The following ZNF680 variants were observed in gnomAD, a reference collection of about 807,000 sequenced individuals.
The protein encoded by ZNF680 is zinc finger protein 680.
In ZNF680, 6 loss-of-function variants were observed where a neutral mutation model predicts 12.1. The ratio of observed to expected loss-of-function variants is 0.49; its 90% CI spans 0.27 to 0.98. The LOEUF (loss-of-function observed/expected upper bound fraction) is 0.98, where lower values mean the gene tolerates loss of function less well. ZNF680 is among the 50% of genes least tolerant of loss of function. ZNF680 has a pLI of 0.12. For missense variants in ZNF680, 561 were observed against 616.3 expected, an observed-to-expected ratio of 0.91 and a Z score of 0.95; for synonymous variants, 170 against 199.3, an observed-to-expected ratio of 0.85 and a Z score of 1.24.
At chr7:64,511,352 G>C in the ZNF680 span, among the ~76,000 whole-genome samples, 4 of 152,010 alleles carry the variant, frequency 2.6e-5, no homozygotes, top group African/African-American at 7.3e-5. Flanking sequence ...ACTGAGGGCT[G>C]ATGCCCTCAG....
chr7:64,510,859 G>A, the ZNF680 span, among the ~76,000 whole-genome samples: 5 of 133,508 alleles, frequency 3.7e-5, no homozygotes, highest in Non-Finnish European at 6.4e-5. Flanking sequence ...GCAGTGAGCC[G>A]AGATCCCGCC....
chr7:64,553,952 C>A (rs1173595139), intron 1 of ZNF680, among the ~76,000 whole-genome samples: 1 of 152,184 alleles, frequency 6.6e-6, no homozygotes, highest in East Asian at 1.9e-4. Flanking sequence ...CACCTCCCAG[C>A]CGCCTGCCTT....
intron 1 of ZNF680, among the ~76,000 whole-genome samples, chr7:64,553,733 G>A (rs189232227): frequency 1.7e-3 from 260 of 151,176 alleles, no homozygotes; most frequent in Admixed American, 5.7e-3. Context: ...TTGCAGGCGC[G>A]CGCCGCCACG....
chr7:64,507,520 T>TA, the ZNF680 span, among the ~76,000 whole-genome samples: 1 of 150,782 alleles, frequency 6.6e-6, no homozygotes, highest in South Asian at 2.1e-4. Context: ...ATTATTCTAT[T>TA]TTTTTTTTTG....
At chr7:64,537,696 G>T (rs1457119630) in intron 3 of ZNF680, among the ~76,000 whole-genome samples, 2 of 152,226 alleles carry the variant, frequency 1.3e-5, no homozygotes, top group African/African-American at 2.4e-5. Flanking sequence ...GGGAGGCCAA[G>T]GCGGGCAGAT....
chr7:64,526,957 G>T (rs1404343327), intron 3 of ZNF680, among the ~76,000 whole-genome samples: 1 of 152,186 alleles, frequency 6.6e-6, no homozygotes, highest in Non-Finnish European at 1.5e-5. Context: ...CCAAAAATTG[G>T]CAGGGCAAGG....
rs759407642 is a variant in ZNF680 at position 64,522,111 on chromosome 7, A to G, written c.643T>C (p.Cys215Arg). ...TRENSYKCEE[C>R]GKVLNWFSEL... ...GAGAACCAGTTAAGAACTTTGCCAC[A>G]TTCCTCACATTTGTAAGAATTCTCT... The change falls in exon 4 of 4, where the codon TGT (cysteine) becomes CGT (arginine). Residue 215 changes from cysteine (C) to arginine (R), a missense_variant. By Grantham distance (180) the Cys-to-Arg change is radical. Coordinates refer to ENST00000309683, the MANE Select transcript of ZNF680 (RefSeq NM_178558.5). 6.2e-7 allele frequency: 1 copy of G among 1,611,192 alleles called. No homozygotes were observed. Among genetic ancestry groups the G allele is most frequent in the Admixed American group, 1.7e-5 (1 of 59,706 alleles).
chr7:64,536,504 T>A (rs1413211762), intron 3 of ZNF680, among the ~76,000 whole-genome samples: 1 of 152,124 alleles, frequency 6.6e-6, no homozygotes, highest in Non-Finnish European at 1.5e-5. Flanking sequence ...ATTAATAGAG[T>A]GTAAACTTTC....
intron 3 of ZNF680, among the ~76,000 whole-genome samples, chr7:64,527,878 A>G (rs1791954005): frequency 6.6e-6 from 1 of 152,324 alleles, no homozygotes; most frequent in South Asian, 2.1e-4. Context: ...TAGCTTCAGA[A>G]TAACTGCAGG....
At chr7:64,559,504 A>G (rs1226176203) in intron 1 of ZNF680, among the ~76,000 whole-genome samples, 1 of 151,670 alleles carries the variant, frequency 6.6e-6, no homozygotes, top group Non-Finnish European at 1.5e-5. Flanking sequence ...TTTTTGAGAC[A>G]GAGTCTCGCC....
the ZNF680 span, among the ~76,000 whole-genome samples, chr7:64,500,050 T>C: frequency 6.6e-6 from 1 of 152,136 alleles, no homozygotes; most frequent in Admixed American, 6.6e-5. Flanking sequence ...CCTGAATCCT[T>C]AAAAATTTTT....
chr7:64,499,993 A>C, the ZNF680 span, among the ~76,000 whole-genome samples: 1 of 152,220 alleles, frequency 6.6e-6, no homozygotes, highest in South Asian at 2.1e-4. Context: ...AGATAAGCAC[A>C]ACGAAGAGAC....
chr7:64,530,257 C>CA (rs965267255), intron 3 of ZNF680, among the ~76,000 whole-genome samples: 10 of 151,752 alleles, frequency 6.6e-5, no homozygotes, highest in Admixed American at 2.0e-4. Context: ...AAAGCAAAAA[C>CA]AAAAAAACAA....
chr7:64,536,223 C>A (rs1004163605), intron 3 of ZNF680, among the ~76,000 whole-genome samples: 3 of 152,050 alleles, frequency 2.0e-5, no homozygotes, highest in Admixed American at 6.6e-5. Context: ...AATAAGAAAA[C>A]AGAAAACTTA....
chr7:64,507,704 A>G, the ZNF680 span, among the ~76,000 whole-genome samples: 1 of 152,050 alleles, frequency 6.6e-6, no homozygotes, highest in African/African-American at 2.4e-5. Context: ...CCATAAATGT[A>G]TACAACTCTG....
intron 3 of ZNF680, among the ~76,000 whole-genome samples, chr7:64,543,110 T>C (rs1246151123): frequency 3.9e-5 from 6 of 152,198 alleles, no homozygotes; most frequent in Non-Finnish European, 2.9e-5. Flanking sequence ...CCTATCGAAA[T>C]TCCAGTGGCA....
chr7:64,506,504 T>A, the ZNF680 span, among the ~76,000 whole-genome samples: 1 of 152,010 alleles, frequency 6.6e-6, no homozygotes, highest in Non-Finnish European at 1.5e-5. Context: ...TTTAGTTTCT[T>A]TTGTTATCTA....
At chr7:64,545,688 T>A (rs1562765421) in intron 1 of ZNF680, among the ~76,000 whole-genome samples, 1 of 152,248 alleles carries the variant, frequency 6.6e-6, no homozygotes, top group African/African-American at 2.4e-5. Flanking sequence ...ATAGTGATTT[T>A]AAGTAGTCTT....
the ZNF680 span, among the ~76,000 whole-genome samples, chr7:64,499,540 G>A: frequency 6.6e-6 from 1 of 152,156 alleles, no homozygotes; most frequent in Non-Finnish European, 1.5e-5. Context: ...GGCAGATCAC[G>A]AGGTCAGGAG....
Sources: gnomAD v4.1 joint callset for allele counts (sites outside exome capture counted in the v4.1 genomes callset) on GRCh38, gnomAD v4.1.1 for gene constraint, MANE v1.5 for transcripts, NCBI Gene and HGNC (gene_info 2026-07-23, HGNC 2026-07-21) for gene names.